The following LPAR3 variants were observed in gnomAD, a reference collection of about 807,000 sequenced individuals.
LPAR3 encodes the protein LPA receptor 3.
Under a neutral mutation model 17.8 loss-of-function variants are expected in LPAR3, and 7 were observed. The observed-to-expected ratio is 0.39, with a 90% confidence interval of 0.22 to 0.74. The LOEUF is 0.74. Among genes scored for constraint, LPAR3 ranks in the 30% least tolerant of loss-of-function variants. The pLI is 0.40. For synonymous variants in LPAR3, 179 were observed against 179.9 expected, an observed-to-expected ratio of 0.99 and a Z score of 0.04; for missense variants, 391 against 453.4, an observed-to-expected ratio of 0.86 and a Z score of 1.25.
At chr1:84,872,347 G>C (rs528351196) in intron 1 of LPAR3, among the ~76,000 whole-genome samples, 12 of 152,246 alleles carry the variant, frequency 7.9e-5, no homozygotes, top group East Asian at 3.9e-4. Flanking sequence ...CCTGCAAGCT[G>C]AGAGGTATAA....
chr1:84,849,904 G>A (rs995355272), intron 2 of LPAR3, among the ~76,000 whole-genome samples: 1 of 152,152 alleles, frequency 6.6e-6, no homozygotes, highest in Non-Finnish European at 1.5e-5. Flanking sequence ...AGTAGGGTTG[G>A]TCCTAGGCTA....
chr1:84,881,160 T>C (rs888795653), intron 1 of LPAR3, among the ~76,000 whole-genome samples: 5 of 152,030 alleles, frequency 3.3e-5, no homozygotes, highest in African/African-American at 1.2e-4. Flanking sequence ...CCTGTGGAGT[T>C]CTGGGGTCAC....
At chr1:84,849,372 CAAAAA>C (rs34239236) in intron 2 of LPAR3, among the ~76,000 whole-genome samples, 4 of 77,540 alleles carry the variant, frequency 5.2e-5, no homozygotes, top group Non-Finnish European at 2.4e-5. Context: ...AGACTCATCT[CAAAAA>C]AAAAAAAAAA....
intron 2 of LPAR3, among the ~76,000 whole-genome samples, chr1:84,857,251 T>A (rs1570887460): frequency 6.6e-6 from 1 of 152,242 alleles, no homozygotes; most frequent in South Asian, 2.1e-4. Flanking sequence ...CAAACTAAGG[T>A]CTAAGAGTAG....
intron 1 of LPAR3, among the ~76,000 whole-genome samples, chr1:84,891,866 G>C (rs1385236212): frequency 6.6e-6 from 1 of 152,128 alleles, no homozygotes; most frequent in Non-Finnish European, 1.5e-5. Flanking sequence ...GAAAAGCGTT[G>C]TAATGACAAT....
chr1:84,824,101 C>T (rs1473730396), intron 2 of LPAR3, among the ~76,000 whole-genome samples: 1 of 152,182 alleles, frequency 6.6e-6, no homozygotes, highest in Non-Finnish European at 1.5e-5. Context: ...GGGGTTGAAA[C>T]ATTTTGAAAG....
intron 2 of LPAR3, among the ~76,000 whole-genome samples, chr1:84,835,313 A>G (rs1659372661): frequency 6.6e-6 from 1 of 152,184 alleles, no homozygotes; most frequent in Admixed American, 6.5e-5. Context: ...CCCTTTTTGG[A>G]GAACCACGTG....
intron 2 of LPAR3, among the ~76,000 whole-genome samples, chr1:84,849,837 T>G (rs1343209067): frequency 6.6e-6 from 1 of 152,210 alleles, no homozygotes; most frequent in Non-Finnish European, 1.5e-5. Context: ...CTAACCCTCA[T>G]GATCCCAGGA....
intron 2 of LPAR3, among the ~76,000 whole-genome samples, chr1:84,854,049 C>A (rs1659770391): frequency 6.6e-6 from 1 of 152,208 alleles, no homozygotes; most frequent in African/African-American, 2.4e-5. Flanking sequence ...CCTAGTCTCT[C>A]TTAGATATCT....
chr1:84,868,348 GATCC>G (rs1317133331), intron 1 of LPAR3, among the ~76,000 whole-genome samples: 1 of 152,146 alleles, frequency 6.6e-6, no homozygotes, highest in Non-Finnish European at 1.5e-5. Context: ...GATCTCAGGT[GATCC>G]GCCCACCTTG....
chr1:84,864,269 T>A (rs973562423), intron 2 of LPAR3, among the ~76,000 whole-genome samples: 1 of 151,596 alleles, frequency 6.6e-6, no homozygotes, highest in Non-Finnish European at 1.5e-5. Context: ...TCAACTACCA[T>A]CTGGCCATGG....
intron 2 of LPAR3, among the ~76,000 whole-genome samples, chr1:84,854,420 T>C (rs1659778819): frequency 6.6e-6 from 1 of 152,252 alleles, no homozygotes; most frequent in Non-Finnish European, 1.5e-5. Context: ...CCTTCAGTTA[T>C]CTTTTTTGAG....
At chr1:84,880,537 G>A (rs1327799129) in intron 1 of LPAR3, among the ~76,000 whole-genome samples, 1 of 152,176 alleles carries the variant, frequency 6.6e-6, no homozygotes, top group Non-Finnish European at 1.5e-5. Context: ...ATCAGAGTAT[G>A]GGTGCATCTT....
intron 2 of LPAR3, among the ~76,000 whole-genome samples, chr1:84,829,511 T>C (rs2102748970): frequency 6.6e-6 from 1 of 152,162 alleles, no homozygotes; most frequent in South Asian, 2.1e-4. Context: ...GGGATCCTTC[T>C]GCTAGGAAGG....
intron 1 of LPAR3, among the ~76,000 whole-genome samples, chr1:84,884,120 T>C (rs1184305823): frequency 6.6e-6 from 1 of 152,258 alleles, no homozygotes; most frequent in Admixed American, 6.5e-5. Flanking sequence ...AACTTCCTCT[T>C]TTCCTTTGTT....
chr1:84,892,256 A>C lies in LPAR3; in HGVS notation c.-19+760T>G, dbSNP rs1489697357. On this transcript the variant is annotated intron_variant, in intron 1 of 2. Coordinates refer to ENST00000370611, the MANE Select transcript of LPAR3 (RefSeq NM_012152.3). ...AAATAAATAAATAAATAAATAAATA[A>C]ATAAAAACTAACCTACAAATGCTTT... Among the ~76,000 whole-genome samples, 9 of 142,574 alleles carry C rather than the reference A, an allele frequency of 6.3e-5. No homozygotes were observed. In the East Asian group the frequency reaches 1.8e-3, roughly 28 times the overall value. The allele number at this position is 142,574 out of a possible 152,430, so 93.5% of individuals were successfully genotyped here. A position where few individuals can be genotyped will look rare whatever the true frequency, so the allele number is the denominator to read the frequency against.
chr1:84,834,922 G>C (rs116616643), intron 2 of LPAR3, among the ~76,000 whole-genome samples: 158 of 152,310 alleles, frequency 1.0e-3, no homozygotes, highest in African/African-American at 3.7e-3. Flanking sequence ...CTGCAGAGGA[G>C]CTCCGATTTT....
At chr1:84,814,819 A>AT (rs2102742514) in intron 2 of LPAR3, among the ~76,000 whole-genome samples, 1 of 152,264 alleles carries the variant, frequency 6.6e-6, no homozygotes, top group South Asian at 2.1e-4. Flanking sequence ...CTACATTTAG[A>AT]TTTTTTGGTC....
intron 2 of LPAR3, among the ~76,000 whole-genome samples, chr1:84,827,624 C>T (rs4484942): frequency 0.21 from 31,709 of 151,974 alleles, 3,854 homozygotes; most frequent in African/African-American, 0.34. Flanking sequence ...CAGCCATACC[C>T]GTGGTCCCTG....
Sources: allele counts gnomAD v4.1 joint callset (sites outside exome capture counted in the v4.1 genomes callset), GRCh38; gene constraint gnomAD v4.1.1; transcripts MANE v1.5; gene names NCBI Gene and HGNC (gene_info 2026-07-23, HGNC 2026-07-21).